The following SVIL variants were observed in gnomAD, a reference collection of about 807,000 sequenced individuals.
SVIL encodes the protein archvillin.
In SVIL, 101 loss-of-function variants were observed where a neutral mutation model predicts 240.4. That is an observed-to-expected ratio of 0.42 (90% CI 0.36 to 0.50). The LOEUF is 0.50. Among genes scored for constraint, SVIL ranks in the 20% least tolerant of loss-of-function variants. The pLI is 0.01. For missense variants in SVIL, 2,512 were observed against 2,818.7 expected, an observed-to-expected ratio of 0.89 and a Z score of 2.46; for synonymous variants, 999 against 1,100.0, an observed-to-expected ratio of 0.91 and a Z score of 1.82.
intron 1 of SVIL, among the ~76,000 whole-genome samples, chr10:29,586,201 GGA>G (rs1956161209): frequency 6.6e-6 from 1 of 152,218 alleles, no homozygotes; most frequent in African/African-American, 2.4e-5. Context: ...AGAACAAAAA[GGA>G]GAGGGGAGGC....
intron 1 of SVIL, among the ~76,000 whole-genome samples, chr10:29,621,905 C>T (rs1957659118): frequency 6.6e-6 from 1 of 152,136 alleles, no homozygotes; most frequent in South Asian, 2.1e-4. Context: ...CACACAAGCA[C>T]ACATACACGT....
intron 1 of SVIL, among the ~76,000 whole-genome samples, chr10:29,592,472 T>G (rs747396589): frequency 2.0e-5 from 3 of 152,198 alleles, no homozygotes; most frequent in Non-Finnish European, 4.4e-5. Context: ...TCATTTCTGT[T>G]TCAAATTCTA....
intron 1 of SVIL, among the ~76,000 whole-genome samples, chr10:29,721,507 T>C (rs1963979728): frequency 6.7e-6 from 1 of 148,354 alleles, no homozygotes; most frequent in East Asian, 2.0e-4. Flanking sequence ...GTTAAAAGGA[T>C]GGAAAAAGTT....
chr10:29,636,668 A>C (rs1317891223), upstream of SVIL, among the ~76,000 whole-genome samples: 4 of 152,118 alleles, frequency 2.6e-5, no homozygotes, highest in Non-Finnish European at 5.9e-5. Context: ...GACTCATCAT[A>C]CTCACTTCTT....
At chr10:29,508,479 C>G in intron 17 of SVIL, 1 of 1,124,778 alleles carries the variant, frequency 8.9e-7, no homozygotes, top group Non-Finnish European at 1.2e-6. Flanking sequence ...GTATTTCATG[C>G]CTGGGTTCAA....
intron 17 of SVIL, among the ~76,000 whole-genome samples, chr10:29,502,846 TTCTC>T (rs1949006599): frequency 6.6e-6 from 1 of 152,212 alleles, no homozygotes. Context: ...ATGGGTTTCT[TTCTC>T]TCTGTATACA....
chr10:29,709,832 T>G (rs1963154586), intron 1 of SVIL, among the ~76,000 whole-genome samples: 1 of 151,946 alleles, frequency 6.6e-6, no homozygotes, highest in Non-Finnish European at 1.5e-5. Flanking sequence ...AGGCACCCAG[T>G]GGGTGGGTGG....
intron 1 of SVIL, among the ~76,000 whole-genome samples, chr10:29,604,761 G>A (rs1214866290): frequency 1.3e-5 from 2 of 152,180 alleles, no homozygotes; most frequent in South Asian, 4.2e-4. Context: ...TAAAGATAGG[G>A]TCTTGCTGTG....
chr10:29,481,168 T>TGTGTGTG (rs66830131), intron 28 of SVIL, among the ~76,000 whole-genome samples: 82 of 109,650 alleles, frequency 7.5e-4, no homozygotes, highest in Admixed American at 1.9e-3. Context: ...GTGTGTGTGT[T>TGTGTGTG]TGTTTGTGTG....
intron 1 of SVIL, among the ~76,000 whole-genome samples, chr10:29,628,770 T>G (rs1220801337): frequency 6.6e-6 from 1 of 152,170 alleles, no homozygotes; most frequent in Non-Finnish European, 1.5e-5. Context: ...GTTGAACAAT[T>G]CACCTTATAA....
chr10:29,544,811 G>A (rs191135007), intron 6 of SVIL, among the ~76,000 whole-genome samples: 1 of 149,054 alleles, frequency 6.7e-6, no homozygotes, highest in Non-Finnish European at 1.5e-5. Flanking sequence ...AATAAGAACA[G>A]GATGAAATGA....
rs756659892 is a variant in SVIL, at chr10:29,512,795, G to A, written c.3456C>T (p.Gly1152=). The A allele has an allele frequency of 1.2e-5, 20 of 1,613,228 alleles. No homozygotes were observed. The highest frequency in any genetic ancestry group is 4.5e-5 in the East Asian group (2 of 44,880). Residue 1152 remains glycine (G), a synonymous_variant, in exon 17 of 38, where the codon GGC becomes GGT. Transcript: ENST00000355867. Reference sequence around the variant, plus strand: ...GCAGGCTGCTGGCCGGCGCCTTGCCGCCCTCCTGCCTCCTGCTGAGTCTGT... The same window carrying A: ...GCAGGCTGCTGGCCGGCGCCTTGCCACCCTCCTGCCTCCTGCTGAGTCTGT... ...WRNRLSRRQE[G]GKAPASSLHT... is the part of the protein sequence containing the mutation.
chr10:29,663,154 C>T (rs1219643094), intron 2 of SVIL, among the ~76,000 whole-genome samples: 2 of 152,104 alleles, frequency 1.3e-5, no homozygotes, highest in Non-Finnish European at 2.9e-5. Flanking sequence ...ATTTTAAGAG[C>T]ACTAACCAAT....
intron 2 of SVIL, among the ~76,000 whole-genome samples, chr10:29,671,703 CT>C (rs1268887798): frequency 6.6e-6 from 1 of 152,182 alleles, no homozygotes; most frequent in Non-Finnish European, 1.5e-5. Flanking sequence ...TACCTTATTT[CT>C]TTCCAATGGC....
intron 1 of SVIL, among the ~76,000 whole-genome samples, chr10:29,620,896 T>C (rs1476776882): frequency 6.6e-6 from 1 of 152,182 alleles, no homozygotes; most frequent in Non-Finnish European, 1.5e-5. Flanking sequence ...GGATTACAGG[T>C]GTGAGCCACC....
Position 29,463,593 on chromosome 10 carries a change from T to G in SVIL, c.6176A>C (p.Gln2059Pro). The G allele has an allele frequency of 6.2e-7, 1 of 1,614,142 alleles. No individual in the cohort carries two copies. The highest frequency in any genetic ancestry group is 1.1e-5 in the South Asian group (1 of 91,086). ...VDNHHEVYLW[Q>P]GWWPIENKIT... is the part of the protein sequence containing the mutation. Reference sequence around the variant, plus strand: ...CTTGTTCTCGATGGGCCACCAGCCTTGCCAGAGGTACACCTCGTGGTGATT... The same window carrying G: ...CTTGTTCTCGATGGGCCACCAGCCTGGCCAGAGGTACACCTCGTGGTGATT... Residue 2059 changes from glutamine (Q) to proline (P), a missense_variant, in exon 35 of 38, where the codon CAA becomes CCA. Physicochemically the swap from Gln to Pro is moderately conservative, Grantham distance 76. Transcript: ENST00000355867.
intron 1 of SVIL, among the ~76,000 whole-genome samples, chr10:29,693,947 A>G (rs746332902): frequency 1.3e-5 from 2 of 152,054 alleles, no homozygotes; most frequent in African/African-American, 2.4e-5. Context: ...ATATATACAT[A>G]CATACATACA....
At chr10:29,604,146 T>A (rs773924133) in intron 1 of SVIL, among the ~76,000 whole-genome samples, 2 of 152,062 alleles carry the variant, frequency 1.3e-5, no homozygotes, top group African/African-American at 2.4e-5. Context: ...CACATTCACA[T>A]ACCTTTTATT....
At chr10:29,667,429 AGCAGTC>A (rs1259695474) in intron 2 of SVIL, among the ~76,000 whole-genome samples, 2 of 152,316 alleles carry the variant, frequency 1.3e-5, no homozygotes, top group South Asian at 2.1e-4. Flanking sequence ...GATAGAAAAC[AGCAGTC>A]GTTGCCAGAA....
Sources: allele counts gnomAD v4.1 joint callset (sites outside exome capture counted in the v4.1 genomes callset), GRCh38; gene constraint gnomAD v4.1.1; transcripts MANE v1.5; gene names NCBI Gene and HGNC (gene_info 2026-07-23, HGNC 2026-07-21).